Variants in PRKG2 observed in about 807,000 individuals in gnomAD.
The protein encoded by PRKG2 is cGMP-dependent protein kinase 2.
A neutral mutation model predicts 97.2 loss-of-function variants in PRKG2; 33 were observed. That is an observed-to-expected ratio of 0.34 (90% CI 0.26 to 0.45). The LOEUF is 0.45. PRKG2 is among the 20% of genes least tolerant of loss of function. PRKG2 has a pLI of 1.00. For synonymous variants in PRKG2, 330 were observed against 321.8 expected (o/e 1.03, Z -0.27); for missense variants, 638 against 900.0 (o/e 0.71, Z 3.73).
intron 6 of PRKG2, among the ~76,000 whole-genome samples, chr4:81,164,311 TA>T (rs1398536687): frequency 6.6e-6 from 1 of 152,146 alleles, no homozygotes; most frequent in Non-Finnish European, 1.5e-5. Flanking sequence ...CCACAAGCCC[TA>T]ATCTCCAGAC....
intron 2 of PRKG2, among the ~76,000 whole-genome samples, chr4:81,180,171 T>C (rs1325495952): frequency 6.6e-6 from 1 of 151,738 alleles, no homozygotes; most frequent in South Asian, 2.1e-4. Context: ...AATGAATGAA[T>C]GAAAGCTAAC....
chr4:81,089,663 A>G lies in PRKG2; in HGVS notation c.*45T>C, dbSNP rs1741355150. The G allele has an allele frequency of 3.0e-6, 4 of 1,338,178 alleles. No individual in the cohort carries two copies. The highest frequency in any genetic ancestry group is 4.3e-6 in the Non-Finnish European group (4 of 940,906). The allele number at this position is 1,338,178 out of a possible 1,614,324, so 82.9% of individuals were successfully genotyped here. On this transcript the variant is annotated 3_prime_UTR_variant, in exon 19 of 19. Transcript: ENST00000264399. ...TAATGTGTTGGATTATTGATCCTTGAGGTCCTCTTCTGTAGAGTACAGGCA... is the reference window on the plus strand; with the variant it reads ...TAATGTGTTGGATTATTGATCCTTGGGGTCCTCTTCTGTAGAGTACAGGCA...
chr4:81,165,363 C>A (rs1404704245), intron 6 of PRKG2, among the ~76,000 whole-genome samples: 1 of 152,146 alleles, frequency 6.6e-6, no homozygotes, highest in Non-Finnish European at 1.5e-5. Flanking sequence ...CCCAAATCAA[C>A]TCCTAAACTG....
At chr4:81,179,514 G>A (rs1451728572) in intron 2 of PRKG2, among the ~76,000 whole-genome samples, 1 of 152,172 alleles carries the variant, frequency 6.6e-6, no homozygotes, top group East Asian at 1.9e-4. Flanking sequence ...ACCGTGAAGA[G>A]CTCCAGACAG....
chr4:81,093,353 C>T (rs1315317194), intron 17 of PRKG2, among the ~76,000 whole-genome samples: 2 of 141,270 alleles, frequency 1.4e-5, no homozygotes, highest in African/African-American at 5.8e-5. Context: ...TGAAACTCTC[C>T]CCCACCAACA....
chr4:81,157,945 T>C (rs1299361482), intron 6 of PRKG2, among the ~76,000 whole-genome samples: 2 of 147,874 alleles, frequency 1.4e-5, no homozygotes, highest in African/African-American at 5.3e-5. Context: ...TAATAAGAGC[T>C]ATCTATGACA....
chr4:81,189,066 T>TTAAAAAAAA (rs1560615683), intron 2 of PRKG2, among the ~76,000 whole-genome samples: 1 of 17,062 alleles, frequency 5.9e-5, no homozygotes, highest in Non-Finnish European at 7.7e-5. Flanking sequence ...AAAAAAATAA[T>TTAAAAAAAA]AAAAAAAAAA....
At chr4:81,135,415 C>G (rs1192083601) in intron 13 of PRKG2, 119 bp from the exon 14 acceptor site, 1 of 1,068,330 alleles carries the variant, frequency 9.4e-7, no homozygotes, top group Non-Finnish European at 1.3e-6. Flanking sequence ...TGCAGGGTAT[C>G]AACAATAAAA....
chr4:81,105,385 C>T (rs1160351780), intron 16 of PRKG2, among the ~76,000 whole-genome samples: 1 of 152,106 alleles, frequency 6.6e-6, no homozygotes, highest in Non-Finnish European at 1.5e-5. Context: ...GAAACAAGAA[C>T]ATTGAATATT....
At chr4:81,187,399 GA>G (rs1751979429) in intron 2 of PRKG2, among the ~76,000 whole-genome samples, 1 of 152,148 alleles carries the variant, frequency 6.6e-6, no homozygotes, top group African/African-American at 2.4e-5. Flanking sequence ...AATAGATGCA[GA>G]AAAGGACTTC....
intron 18 of PRKG2, among the ~76,000 whole-genome samples, chr4:81,091,381 C>G (rs539028877): frequency 7.9e-5 from 12 of 152,148 alleles, no homozygotes; most frequent in African/African-American, 2.9e-4. Context: ...CTCCTGAGTT[C>G]ACGCCATTCT....
intron 2 of PRKG2, among the ~76,000 whole-genome samples, chr4:81,191,473 A>G (rs1393972085): frequency 6.6e-6 from 1 of 152,106 alleles, no homozygotes; most frequent in East Asian, 1.9e-4. Flanking sequence ...TAGGAGAAAT[A>G]CCTAATGTAG....
chr4:81,158,713 G>A (rs917319331), intron 6 of PRKG2, among the ~76,000 whole-genome samples: 4 of 152,164 alleles, frequency 2.6e-5, no homozygotes. Flanking sequence ...CAAGGCTATA[G>A]TAACCAAAAC....
intron 2 of PRKG2, among the ~76,000 whole-genome samples, chr4:81,178,543 C>A (rs1751126247): frequency 6.6e-6 from 1 of 151,860 alleles, no homozygotes; most frequent in South Asian, 2.1e-4. Context: ...AATGGAAATT[C>A]TAAAACTGAA....
At chr4:81,090,480 T>C (rs1469169586) in intron 18 of PRKG2, among the ~76,000 whole-genome samples, 7 of 152,190 alleles carry the variant, frequency 4.6e-5, no homozygotes, top group Non-Finnish European at 1.0e-4. Flanking sequence ...TCCTGAAATT[T>C]TTATGGTTAA....
intron 14 of PRKG2, among the ~76,000 whole-genome samples, chr4:81,127,692 C>A (rs1409895065): frequency 1.3e-5 from 2 of 152,160 alleles, no homozygotes; most frequent in African/African-American, 2.4e-5. Context: ...TATCCTGAGA[C>A]TTTGCTGAAG....
At chr4:81,156,982 G>T (rs1412797274) in intron 6 of PRKG2, among the ~76,000 whole-genome samples, 4 of 152,148 alleles carry the variant, frequency 2.6e-5, no homozygotes, top group African/African-American at 9.7e-5. Flanking sequence ...AAGCAGGAAA[G>T]ATCCAAAATT....
Position 81,167,217 on chromosome 4 carries a change from A to AG in PRKG2, c.855dup (p.Leu287AlafsTer6). 1 of 1,588,720 alleles carries AG rather than the reference A, an allele frequency of 6.3e-7. No homozygotes were observed. The highest frequency in any genetic ancestry group is 8.6e-7 in the Non-Finnish European group (1 of 1,166,996). On this transcript the variant is annotated frameshift_variant, in exon 6 of 19. Transcript: ENST00000264399. LOFTEE classifies it high-confidence loss of function. Reference sequence around the variant, plus strand: ...TTATCTTCAGGTAAATTCTTCAGCAAGGATACACTTCAAAATTAAAAAGAA... The same window carrying AG: ...TTATCTTCAGGTAAATTCTTCAGCAAGGGATACACTTCAAAATTAAAAAGAA...
rs762777128 is a variant in PRKG2, at chr4:81,142,925, G to A, written c.1276C>T (p.Leu426=). 2.4e-5 allele frequency: 39 copies of A among 1,611,108 alleles called. No homozygotes were observed. The highest frequency in any genetic ancestry group is 3.2e-5 in the Non-Finnish European group (38 of 1,178,244). ...ATTTCCAGAGAGAGTGCTTTGGACA[G>A]CTTCCAGTTAGACATGGACCGCCTG... ...HAKRSMSNWK[L]SKALSLEMIQ... The change falls in exon 11 of 19, where the codon CTG becomes TTG. Residue 426 remains leucine, a synonymous_variant. Transcript: ENST00000264399.
Sources: gnomAD v4.1 joint callset for allele counts (sites outside exome capture counted in the v4.1 genomes callset) on GRCh38, gnomAD v4.1.1 for gene constraint, MANE v1.5 for transcripts, NCBI Gene and HGNC (gene_info 2026-07-23, HGNC 2026-07-21) for gene names.